Variants in SCHIP1 observed in about 807,000 individuals in gnomAD.
SCHIP1 encodes schwannomin interacting protein 1.
A neutral mutation model predicts 29.7 loss-of-function variants in SCHIP1; 8 were observed. That is an observed-to-expected ratio of 0.27 (90% confidence interval 0.16 to 0.49). The LOEUF is 0.49. Ranked by LOEUF, SCHIP1 falls within the 20% of genes least tolerant of loss-of-function variation. The pLI is 0.99. For synonymous variants in SCHIP1, 76 were observed against 94.9 expected (o/e 0.80, Z 1.16); for missense variants, 193 against 294.6 (o/e 0.66, Z 2.52).
the SCHIP1 span, among the ~76,000 whole-genome samples, chr3:159,633,027 C>T: frequency 1.3e-5 from 2 of 152,164 alleles, no homozygotes; most frequent in African/African-American, 4.8e-5. Flanking sequence ...AAACCTTCTC[C>T]TAGGTCTGAG....
intron 2 of SCHIP1, among the ~76,000 whole-genome samples, chr3:159,866,764 G>T (rs1015305638): frequency 1.3e-5 from 2 of 151,852 alleles, no homozygotes; most frequent in South Asian, 4.2e-4. Context: ...CCTTCTGGTG[G>T]TTTTTCTTTA....
At chr3:159,863,315 G>A (rs1304236446) in intron 1 of SCHIP1, among the ~76,000 whole-genome samples, 1 of 151,814 alleles carries the variant, frequency 6.6e-6, no homozygotes, top group Non-Finnish European at 1.5e-5. Flanking sequence ...ACTCCAGCCT[G>A]GTGACAGAGC....
chr3:159,708,680 G>A, the SCHIP1 span, among the ~76,000 whole-genome samples: 1 of 152,166 alleles, frequency 6.6e-6, no homozygotes, highest in Non-Finnish European at 1.5e-5. Context: ...TATGGGCAGG[G>A]TTAAGGAAAC....
the SCHIP1 span, chr3:159,399,078 A>C: frequency 3.5e-6 from 1 of 285,410 alleles, no homozygotes; most frequent in Non-Finnish European, 5.3e-6. Flanking sequence ...GTGAGTCTCC[A>C]AAACACCAGG....
the SCHIP1 span, among the ~76,000 whole-genome samples, chr3:159,418,667 T>A: frequency 6.6e-6 from 1 of 152,260 alleles, no homozygotes; most frequent in Non-Finnish European, 1.5e-5. Context: ...TGTTTATTTC[T>A]GAATACAAGA....
chr3:159,407,508 C>T, the SCHIP1 span, among the ~76,000 whole-genome samples: 1 of 152,156 alleles, frequency 6.6e-6, no homozygotes, highest in African/African-American at 2.4e-5. Context: ...AAACATTGGA[C>T]TTAATCTGCA....
At chr3:159,708,701 T>C in the SCHIP1 span, among the ~76,000 whole-genome samples, 1 of 152,172 alleles carries the variant, frequency 6.6e-6, no homozygotes, top group Non-Finnish European at 1.5e-5. Flanking sequence ...CAATGTGAGA[T>C]GGTGACGTAC....
Position 159,861,905 on chromosome 3 carries a change from AG to A in SCHIP1, c.31-4253del, listed in dbSNP as rs1431775374. Among the ~76,000 whole-genome samples the A allele has an allele frequency of 2.0e-5, 3 of 152,148 alleles. No homozygotes were observed. Among genetic ancestry groups the A allele is most frequent in the African/African-American group, 7.2e-5 (3 of 41,430 alleles). On this transcript the variant is annotated intron_variant, in intron 1 of 6. Transcript: ENST00000445224. This position sits in a 1 kb window ranked among gnomAD's most constrained non-coding sequence, Gnocchi z 4.1. ...GAGCGTATTGGGCTTGGCTGGATTA[AG>A]GGGGCTGGTGGAAGACATATTTGCC...
chr3:159,703,498 T>G, the SCHIP1 span, among the ~76,000 whole-genome samples: 2 of 152,060 alleles, frequency 1.3e-5, no homozygotes, highest in African/African-American at 2.4e-5. Context: ...AACTGCAGAA[T>G]TGAACTAGAG....
the SCHIP1 span, among the ~76,000 whole-genome samples, chr3:159,545,308 G>C: frequency 6.6e-6 from 1 of 151,972 alleles, no homozygotes; most frequent in Non-Finnish European, 1.5e-5. Flanking sequence ...GGGAAAGGCC[G>C]ACCCAACTTT....
At chr3:159,301,881 GA>G in the SCHIP1 span, among the ~76,000 whole-genome samples, 27 of 152,140 alleles carry the variant, frequency 1.8e-4, no homozygotes, top group African/African-American at 6.5e-4. Flanking sequence ...AACCCTTAGG[GA>G]AAAAACTTCA....
At chr3:159,325,864 G>A in the SCHIP1 span, among the ~76,000 whole-genome samples, 7 of 152,004 alleles carry the variant, frequency 4.6e-5, no homozygotes, top group Admixed American at 1.3e-4. Context: ...TAAAATGCTC[G>A]TAATAGTAAT....
the SCHIP1 span, among the ~76,000 whole-genome samples, chr3:159,769,125 C>T: frequency 3.4e-4 from 52 of 152,314 alleles, 1 homozygote; most frequent in South Asian, 8.5e-3. Flanking sequence ...TTCTTGCCTA[C>T]TCTAACTCTG....
intron 6 of SCHIP1, 120 bp downstream of exon 7, chr3:159,892,310 C>A: frequency 8.7e-7 from 1 of 1,149,840 alleles, no homozygotes; most frequent in Non-Finnish European, 1.3e-6. Context: ...ACTCACCTAG[C>A]CTTTTCTGGT....
At chr3:159,385,959 T>C in the SCHIP1 span, among the ~76,000 whole-genome samples, 2 of 152,184 alleles carry the variant, frequency 1.3e-5, no homozygotes, top group African/African-American at 4.8e-5. Flanking sequence ...GGTTTTCTAT[T>C]CTTGGGTAAG....
the SCHIP1 span, among the ~76,000 whole-genome samples, chr3:159,750,723 A>G: frequency 6.6e-6 from 1 of 152,076 alleles, no homozygotes; most frequent in Non-Finnish European, 1.5e-5. Flanking sequence ...TTGAAACACT[A>G]CCAGCATTAA....
the SCHIP1 span, among the ~76,000 whole-genome samples, chr3:159,680,680 A>AATATATACAT: frequency 2.8e-5 from 2 of 70,664 alleles, no homozygotes; most frequent in African/African-American, 1.7e-4. Context: ...TTATATATAT[A>AATATATACAT]ATATATGTAT....
chr3:159,869,256 C>G (rs986897810), intron 2 of SCHIP1, among the ~76,000 whole-genome samples: 6 of 151,892 alleles, frequency 4.0e-5, no homozygotes, highest in African/African-American at 1.4e-4. Flanking sequence ...TGATTTTATA[C>G]TGAATTTTAT....
the SCHIP1 span, among the ~76,000 whole-genome samples, chr3:159,550,714 G>T: frequency 6.6e-6 from 1 of 152,064 alleles, no homozygotes; most frequent in African/African-American, 2.4e-5. Flanking sequence ...GCAAAATTAT[G>T]GCAAAATCAA....
Sources: allele counts gnomAD v4.1 joint callset (sites outside exome capture counted in the v4.1 genomes callset), GRCh38; gene constraint gnomAD v4.1.1; non-coding constraint Gnocchi (gnomAD v3.1); transcripts MANE v1.5; gene names NCBI Gene and HGNC (gene_info 2026-07-23, HGNC 2026-07-21).